KCNIP1: variants seen among roughly 807,000 people sequenced by gnomAD.
KCNIP1 encodes A-type potassium channel modulatory protein KCNIP1.
Under a neutral mutation model 33.0 loss-of-function variants are expected in KCNIP1, and 18 were observed. The ratio of observed to expected loss-of-function variants is 0.55; its 90% CI spans 0.38 to 0.81. The LOEUF (loss-of-function observed/expected upper bound fraction) is 0.81. KCNIP1 is among the 30% of genes least tolerant of loss of function. The probability of loss-of-function intolerance (pLI) is 0.00; values close to 1 mark genes in which losing one functional copy is unlikely to be tolerated. For missense variants in KCNIP1, 238 were observed against 271.6 expected (o/e 0.88, Z 0.87); for synonymous variants, 93 against 98.3 (o/e 0.95, Z 0.32).
intron 1 of KCNIP1, among the ~76,000 whole-genome samples, chr5:170,519,806 C>A (rs915786093): frequency 6.6e-6 from 1 of 152,088 alleles, no homozygotes; most frequent in Non-Finnish European, 1.5e-5. Context: ...GTGCAGACAG[C>A]GGCTGCCTGC....
chr5:170,526,726 T>C (rs867621051), intron 1 of KCNIP1, among the ~76,000 whole-genome samples: 3 of 142,768 alleles, frequency 2.1e-5, no homozygotes, highest in Non-Finnish European at 4.5e-5. Flanking sequence ...TAGCTTTTTT[T>C]TTTTTTTTTT....
rs190009901 is a variant in KCNIP1, at chr5:170,563,955, T to C, written c.61+59322T>C. Among the ~76,000 whole-genome samples the C allele has an allele frequency of 1.6e-3, 239 of 152,284 alleles. 1 individual carries two copies. The highest frequency in any genetic ancestry group is 5.5e-3 in the African/African-American group (227 of 41,558). On this transcript the variant is annotated intron_variant, in intron 1 of 7. Transcript: ENST00000328939. Reference sequence around the variant, plus strand: ...ATCAGGCGTTTTAAGTTTCTACCATTTGGGGCATATTCAGGAAGATTCCTA... The same window carrying C: ...ATCAGGCGTTTTAAGTTTCTACCATCTGGGGCATATTCAGGAAGATTCCTA...
intron 1 of KCNIP1, among the ~76,000 whole-genome samples, chr5:170,488,833 G>A (rs773726613): frequency 6.6e-6 from 1 of 152,184 alleles, no homozygotes; most frequent in Non-Finnish European, 1.5e-5. Flanking sequence ...CAAATGCCAG[G>A]CCTGCAGAGG....
intron 1 of KCNIP1, among the ~76,000 whole-genome samples, chr5:170,594,692 G>T (rs1203185798): frequency 6.6e-6 from 1 of 152,060 alleles, no homozygotes; most frequent in African/African-American, 2.4e-5. Context: ...TGTATTTTTA[G>T]TAGAGATGGG....
At chr5:170,651,682 C>A (rs1303598377) in intron 1 of KCNIP1, among the ~76,000 whole-genome samples, 5 of 152,174 alleles carry the variant, frequency 3.3e-5, no homozygotes, top group Non-Finnish European at 7.4e-5. Context: ...CGTAAAAAAA[C>A]AAATGAATGC....
intron 1 of KCNIP1, among the ~76,000 whole-genome samples, chr5:170,595,670 C>T (rs1404123777): frequency 1.3e-5 from 2 of 152,210 alleles, no homozygotes; most frequent in Non-Finnish European, 2.9e-5. Flanking sequence ...TTCAATCTTT[C>T]TAACATCTCT....
At chr5:170,538,905 C>G (rs889575987) in intron 1 of KCNIP1, among the ~76,000 whole-genome samples, 2 of 151,926 alleles carry the variant, frequency 1.3e-5, no homozygotes, top group African/African-American at 2.4e-5. Flanking sequence ...TCTCAGCTAG[C>G]CTTCTTTATG....
chr5:170,361,515 C>A (rs1314944037), intron 1 of KCNIP1, among the ~76,000 whole-genome samples: 2 of 152,154 alleles, frequency 1.3e-5, no homozygotes, highest in African/African-American at 4.8e-5. Context: ...TAGAAGAACA[C>A]CCGCTTTGGA....
intron 1 of KCNIP1, among the ~76,000 whole-genome samples, chr5:170,590,308 T>A (rs1345285001): frequency 6.6e-6 from 1 of 152,092 alleles, no homozygotes; most frequent in East Asian, 1.9e-4. Flanking sequence ...ACCTTGATAT[T>A]TGCCCAACAC....
intron 1 of KCNIP1, among the ~76,000 whole-genome samples, chr5:170,482,759 G>A (rs559024360): frequency 6.6e-6 from 1 of 152,322 alleles, no homozygotes; most frequent in South Asian, 2.1e-4. Flanking sequence ...AAGCCTGTCT[G>A]AGAGAGGTTT....
intron 1 of KCNIP1, among the ~76,000 whole-genome samples, chr5:170,390,513 AACAAATAT>A (rs1337363214): frequency 3.8e-4 from 11 of 28,864 alleles, no homozygotes; most frequent in South Asian, 1.1e-3. Context: ...AAAAAAAAAA[AACAAATAT>A]ATATATATAT....
intron 1 of KCNIP1, among the ~76,000 whole-genome samples, chr5:170,599,667 G>A (rs1273564143): frequency 1.8e-5 from 1 of 55,540 alleles, no homozygotes; most frequent in Non-Finnish European, 3.6e-5. Flanking sequence ...CCCGTGCAAT[G>A]GACCTAGGGG....
intron 6 of KCNIP1, among the ~76,000 whole-genome samples, chr5:170,733,202 G>A (rs1443024503): frequency 1.9e-4 from 29 of 152,186 alleles, no homozygotes; most frequent in Admixed American, 1.9e-3. Context: ...AACTGTGGAG[G>A]TGTTAAGCAT....
chr5:170,390,513 A>T (rs1490196032), intron 1 of KCNIP1, among the ~76,000 whole-genome samples: 841 of 28,534 alleles, frequency 0.029, 44 homozygotes, highest in South Asian at 0.057. Flanking sequence ...AAAAAAAAAA[A>T]ACAAATATAT....
chr5:170,695,746 C>T (rs761831606), intron 1 of KCNIP1, among the ~76,000 whole-genome samples: 3 of 152,188 alleles, frequency 2.0e-5, no homozygotes, highest in South Asian at 2.1e-4. Flanking sequence ...CTAGGCTGGG[C>T]GCGGTAGCTC....
chr5:170,420,063 T>C (rs1267118606), intron 1 of KCNIP1, among the ~76,000 whole-genome samples: 1 of 152,188 alleles, frequency 6.6e-6, no homozygotes, highest in African/African-American at 2.4e-5. Context: ...TATGTAACAT[T>C]ACATTTTTTC....
chr5:170,405,235 C>T (rs566580954), intron 1 of KCNIP1, among the ~76,000 whole-genome samples: 1 of 151,564 alleles, frequency 6.6e-6, no homozygotes, highest in East Asian at 1.9e-4. Context: ...TGCTCTGTTG[C>T]CCAGGGTGGA....
chr5:170,441,968 A>AT (rs1382420481), intron 1 of KCNIP1, among the ~76,000 whole-genome samples: 22 of 146,600 alleles, frequency 1.5e-4, no homozygotes, highest in Non-Finnish European at 7.7e-5. Context: ...AAAAAAAAAA[A>AT]AAAAAAAGAA....
chr5:170,731,475 G>A (rs1224057094), intron 5 of KCNIP1, among the ~76,000 whole-genome samples: 1 of 152,148 alleles, frequency 6.6e-6, no homozygotes, highest in Non-Finnish European at 1.5e-5. Flanking sequence ...GGCAGAGGCA[G>A]GAAGATCACT....
Sources: gnomAD v4.1 joint callset for allele counts (sites outside exome capture counted in the v4.1 genomes callset) on GRCh38, gnomAD v4.1.1 for gene constraint, MANE v1.5 for transcripts, NCBI Gene and HGNC (gene_info 2026-07-23, HGNC 2026-07-21) for gene names.